Variants in MAG observed in about 807,000 individuals in gnomAD.
The protein encoded by MAG is myelin-associated glycoprotein.
MAG carries 30 observed loss-of-function variants against 60.7 expected under a neutral mutation model. The ratio of observed to expected loss-of-function variants is 0.49; its 90% CI spans 0.37 to 0.67. The LOEUF is 0.67. Ranked by LOEUF, MAG falls within the 30% of genes least tolerant of loss-of-function variation. MAG has a pLI of 0.00. For synonymous variants in MAG, 384 were observed against 376.8 expected, an observed-to-expected ratio of 1.02 and a Z score of -0.22; for missense variants, 795 against 851.7, an observed-to-expected ratio of 0.93 and a Z score of 0.83.
At chr19:35,302,801 G>A in intron 7 of MAG, 93 bp downstream of exon 7, 1 of 1,486,306 alleles carries the variant, frequency 6.7e-7, no homozygotes, top group Non-Finnish European at 9.1e-7. Flanking sequence ...AATCAGTATT[G>A]GCTTTGCCTG....
intron 6 of MAG, 138 bp downstream of exon 6, chr19:35,300,542 G>C: frequency 9.1e-7 from 1 of 1,103,388 alleles, no homozygotes; most frequent in South Asian, 2.1e-5. Context: ...AGACAGGGGG[G>C]TTGCAAGTCA....
chr19:35,313,612 TCCCAGCTGCCCCTCCCTG>T lies in MAG; in HGVS notation c.*161_*178del. Reference sequence around the variant, plus strand: ...CCTGGGGGCCTGACCTCCCCCTCCTTCCCAGCTGCCCCTCCCTGCCAGCACCCCCACGCCCTCATTACG... The same window carrying T: ...CCTGGGGGCCTGACCTCCCCCTCCTTCCAGCACCCCCACGCCCTCATTACG... On this transcript the variant is annotated 3_prime_UTR_variant, in exon 11 of 11. Transcript: ENST00000392213. 1 of 655,786 alleles carries T rather than the reference TCCCAGCTGCCCCTCCCTG, an allele frequency of 1.5e-6. No individual in the cohort carries two copies. Among genetic ancestry groups the T allele is most frequent in the East Asian group, 2.9e-5 (1 of 35,064 alleles). The allele number at this position is 655,786 out of a possible 1,614,324, so 40.6% of individuals were successfully genotyped here.
At chr19:35,297,230 C>G (rs948051315) in intron 4 of MAG, among the ~76,000 whole-genome samples, 1 of 136,184 alleles carries the variant, frequency 7.3e-6, no homozygotes, top group Admixed American at 7.4e-5. Flanking sequence ...CAAGCACACA[C>G]CACACACATC....
chr19:35,303,230 G>A (rs1342339902), intron 7 of MAG, among the ~76,000 whole-genome samples: 1 of 152,128 alleles, frequency 6.6e-6, no homozygotes, highest in Non-Finnish European at 1.5e-5. Flanking sequence ...AGCCTGGGGT[G>A]GGCTTTTGAC....
Position 35,294,244 on chromosome 19 carries a change from C to G in MAG, c.-70C>G, listed in dbSNP as rs56138004. 1 of 434,438 alleles carries G rather than the reference C, an allele frequency of 2.3e-6. No homozygotes were observed. The highest frequency in any genetic ancestry group is 1.6e-5 in the South Asian group (1 of 60,954). 26.9% of individuals were successfully genotyped at this position (434,438 alleles called of 1,614,324 possible). A position where few individuals can be genotyped will look rare whatever the true frequency, so the allele number is the denominator to read the frequency against. The stretch of plus-strand genomic sequence containing the variant: ...CTCTTGTTGCATGCAGGTTGTCTGG[C>G]GGCTTCAGGTGGACCCAGAAGACGT... On this transcript the variant is annotated 5_prime_UTR_variant, in exon 2 of 11. Transcript: ENST00000392213.
At chr19:35,306,999 G>C (rs1171643181) in intron 7 of MAG, among the ~76,000 whole-genome samples, 1 of 152,228 alleles carries the variant, frequency 6.6e-6, no homozygotes. Flanking sequence ...AGCTTCACAG[G>C]TTGTCTGAAA....
chr19:35,297,438 C>T (rs1156234164), intron 4 of MAG, among the ~76,000 whole-genome samples: 2 of 147,742 alleles, frequency 1.4e-5, no homozygotes, highest in African/African-American at 2.5e-5. Context: ...ACATCCACCA[C>T]GCTACAAAAA....
At position 35,302,481 on chromosome 19, in the gene MAG, T is replaced by C. The variant is rs1472233234; in HGVS notation, c.1004T>C (p.Met335Thr). Residue 335 changes from methionine (M) to threonine (T), a missense_variant, in exon 7 of 11, where the codon ATG (methionine) becomes ACG (threonine). Physicochemically the swap from Met to Thr is moderately conservative, Grantham distance 81. Transcript: ENST00000392213. ...TGGAAGCCAACAGTGAACGGGACAATGGTGGCCGTAGAGGGGGAGACGGTC... is the reference window on the plus strand; with the variant it reads ...TGGAAGCCAACAGTGAACGGGACAACGGTGGCCGTAGAGGGGGAGACGGTC... ...APWKPTVNGT[M>T]VAVEGETVSI... The C allele has an allele frequency of 2.5e-6, 4 of 1,613,980 alleles. No individual in the cohort carries two copies. Among genetic ancestry groups the C allele is most frequent in the Non-Finnish European group, 3.4e-6 (4 of 1,180,030 alleles).
chr19:35,311,589 GAAAT>G, intron 9 of MAG, among the ~76,000 whole-genome samples: 1 of 152,316 alleles, frequency 6.6e-6, no homozygotes, highest in South Asian at 2.1e-4. Context: ...GCTGTCCTGA[GAAAT>G]AAATTAACCC....
At chr19:35,312,361 G>T in intron 10 of MAG, 1 of 1,592,178 alleles carries the variant, frequency 6.3e-7, no homozygotes, top group Non-Finnish European at 8.6e-7. Flanking sequence ...CCTCCTCTGG[G>T]CCCTCCTTGG....
At chr19:35,292,411 C>T (rs1178305794) in intron 1 of MAG, among the ~76,000 whole-genome samples, 2 of 151,914 alleles carry the variant, frequency 1.3e-5, no homozygotes, top group African/African-American at 4.8e-5. Context: ...GGGAAGAAAC[C>T]ACAGAGAGAA....
rs10411704 is a variant in MAG, at chr19:35,309,759, G to T, written c.1232-115G>T. ...GGAGGGGAAATTGGAGGGCCCTACAGGAAGCTACCGCCCCCATCCTTGGCC... is the reference window on the plus strand; with the variant it reads ...GGAGGGGAAATTGGAGGGCCCTACATGAAGCTACCGCCCCCATCCTTGGCC... On this transcript the variant is annotated intron_variant, in intron 7 of 10. Coordinates refer to ENST00000392213, the MANE Select transcript of MAG (RefSeq NM_002361.4). 0.82 allele frequency: 932,297 copies of T among 1,143,790 alleles called. 381,617 individuals carry two copies. The highest frequency in any genetic ancestry group is 0.96 in the African/African-American group (62,934 of 65,376). 70.9% of individuals were successfully genotyped at this position (1,143,790 alleles called of 1,614,324 possible). A position where few individuals can be genotyped will look rare whatever the true frequency, so the allele number is the denominator to read the frequency against.
At chr19:35,310,329 G>T (rs1269092795) in intron 8 of MAG, among the ~76,000 whole-genome samples, 168 bp downstream of exon 8, 1 of 152,216 alleles carries the variant, frequency 6.6e-6, no homozygotes, top group Non-Finnish European at 1.5e-5. Flanking sequence ...AGTTTGCCCC[G>T]AGTTTGCTAG....
intron 5 of MAG, 123 bp downstream of exon 5, chr19:35,299,973 G>A (rs2066435343): frequency 3.2e-6 from 2 of 625,990 alleles, no homozygotes; most frequent in South Asian, 2.8e-5. Flanking sequence ...CATGCCCAGG[G>A]CCAGGCAGGG....
At chr19:35,308,411 G>A (rs971527476) in intron 7 of MAG, among the ~76,000 whole-genome samples, 1 of 152,220 alleles carries the variant, frequency 6.6e-6, no homozygotes, top group Admixed American at 6.5e-5. Flanking sequence ...GTCAGGCAGG[G>A]CCTGAGGGGC....
At position 35,311,965 on chromosome 19, in the gene MAG, C is replaced by G. The variant is rs778767820; in HGVS notation, c.1664C>G (p.Pro555Arg). 2.5e-6 allele frequency: 4 copies of G among 1,613,566 alleles called. No homozygotes were observed. In the South Asian group the frequency reaches 4.4e-5, roughly 18 times the overall value. ...SPSFSAGDNP[P>R]VLFSSDFRIS... ...AGCTTCTCGGCAGGGGACAACCCTC[C>G]CGTCCTGTTCAGCAGCGACTTCCGC... Residue 555 changes from proline to arginine, a missense_variant, in exon 10 of 11, where the codon CCC becomes CGC. Coordinates refer to ENST00000392213, the MANE Select transcript of MAG (RefSeq NM_002361.4).
intron 2 of MAG, 145 bp downstream of exon 2, chr19:35,294,435 G>C (rs542980074): frequency 8.4e-5 from 31 of 368,146 alleles, no homozygotes; most frequent in Non-Finnish European, 1.4e-4. Flanking sequence ...ACTGCATAGA[G>C]ACAGGACATG....
intron 7 of MAG, among the ~76,000 whole-genome samples, chr19:35,309,631 T>C (rs372247545): frequency 2.6e-5 from 4 of 152,136 alleles, no homozygotes; most frequent in South Asian, 2.1e-4. Context: ...TGCCTGGGAA[T>C]GTTCAAGGCC....
chr19:35,307,420 C>T (rs2145621600), intron 7 of MAG, among the ~76,000 whole-genome samples: 1 of 152,262 alleles, frequency 6.6e-6, no homozygotes, highest in African/African-American at 2.4e-5. Context: ...TCACTGAGAA[C>T]CAGTGCTCAG....
Sources: gnomAD v4.1 joint callset for allele counts (sites outside exome capture counted in the v4.1 genomes callset) on GRCh38, gnomAD v4.1.1 for gene constraint, MANE v1.5 for transcripts, NCBI Gene and HGNC (gene_info 2026-07-23, HGNC 2026-07-21) for gene names.